SNED1: variants seen among roughly 807,000 people sequenced by gnomAD.
SNED1 encodes the protein sushi, nidogen and EGF like domains 1.
Under a neutral mutation model 166.7 loss-of-function variants are expected in SNED1, and 81 were observed. The ratio of observed to expected loss-of-function variants is 0.49; its 90% CI spans 0.41 to 0.58. The LOEUF is 0.58. SNED1 is among the 20% of genes least tolerant of loss of function. SNED1 has a pLI of 0.00. For missense variants in SNED1, 1,604 were observed against 2,000.2 expected, an observed-to-expected ratio of 0.80 and a Z score of 3.78; for synonymous variants, 762 against 822.0, an observed-to-expected ratio of 0.93 and a Z score of 1.25.
intron 15 of SNED1, among the ~76,000 whole-genome samples, chr2:241,052,686 TCGGCGGGGGGGGGGGGGGTCAAG>T (rs2061896716): frequency 1.0e-3 from 1 of 960 alleles, no homozygotes; most frequent in East Asian, 0.01. Context: ...GGTGAGAGGG[TCGGCGGGGGGGGGGGGGGTCAAG>T]CAGGGTACAT....
At position 241,064,531 on chromosome 2, in the gene SNED1, T is replaced by A. The variant is rs560854408; in HGVS notation, c.2600-313T>A. On this transcript the variant is annotated intron_variant, in intron 19 of 31. Transcript: ENST00000310397. This position sits in a 1 kb window ranked among gnomAD's most constrained non-coding sequence, Gnocchi z 7.0. ...CAGTGGGATACCTCCTGATGAGGCT[T>A]CCCTGACCACTGACCTCCCCTCCTC... is the stretch of plus-strand genomic sequence containing the variant. Among the ~76,000 whole-genome samples the A allele has an allele frequency of 4.6e-5, 7 of 152,296 alleles. No homozygotes were observed. Among genetic ancestry groups the A allele is most frequent in the African/African-American group, 1.7e-4 (7 of 41,570 alleles).
intron 15 of SNED1, among the ~76,000 whole-genome samples, chr2:241,052,775 ATGCTGGTGT>A (rs1559269963): frequency 0.015 from 1,673 of 112,270 alleles, 100 homozygotes; most frequent in East Asian, 0.09. Flanking sequence ...GGTACATGGG[ATGCTGGTGT>A]CAGGCAGGTA....
chr2:241,035,389 C>G (rs1181318173), intron 4 of SNED1: 1 of 152,290 alleles, frequency 6.6e-6, no homozygotes. Flanking sequence ...TTTGTGGGAA[C>G]AGCCAGGGCG....
chr2:241,029,956 A>G (rs926556035), intron 1 of SNED1, among the ~76,000 whole-genome samples: 2 of 152,248 alleles, frequency 1.3e-5, no homozygotes, highest in African/African-American at 4.8e-5. Context: ...GGCAGGCCCA[A>G]GTGCCCCACT....
chr2:240,998,095 T>C (rs941312849), upstream of SNED1, among the ~76,000 whole-genome samples: 5 of 152,264 alleles, frequency 3.3e-5, no homozygotes, highest in African/African-American at 1.2e-4. Flanking sequence ...GAATTTCTCC[T>C]GATGCGGCCA....
In SNED1 at chr2:241,007,680, G is replaced by A. The variant is rs141817019; in HGVS notation, c.213+8630G>A. Among the ~76,000 whole-genome samples the A allele has an allele frequency of 7.9e-3, 1,202 of 152,242 alleles. 16 individuals are homozygous for A. The highest frequency in any genetic ancestry group is 0.027 in the African/African-American group (1,138 of 41,534). ...GGTAGGGTTTTACAAAACAGACTTC[G>A]GGTTACCATCTCATATGGGTCTCTG... On this transcript the variant is annotated intron_variant, in intron 1 of 31. Coordinates refer to ENST00000310397, the MANE Select transcript of SNED1 (RefSeq NM_001080437.3).
chr2:241,055,977 A>G (rs1481783901), intron 16 of SNED1, among the ~76,000 whole-genome samples: 1 of 152,240 alleles, frequency 6.6e-6, no homozygotes, highest in Non-Finnish European at 1.5e-5. Flanking sequence ...AGAATACAGT[A>G]TGTTCATCCT....
In SNED1 at chr2:241,051,627, C is replaced by T. The variant is rs1224131169; in HGVS notation, c.1736-117C>T. On this transcript the variant is annotated intron_variant, in intron 12 of 31. Transcript: ENST00000310397. This position sits in a 1 kb window ranked among gnomAD's most constrained non-coding sequence, Gnocchi z 4.7. Reference sequence around the variant, plus strand: ...CCCCTGCTGCAGCCAGGCCCCAGGGCTTCGTCGAGAAGGCCCCACCAGCAC... The same window carrying T: ...CCCCTGCTGCAGCCAGGCCCCAGGGTTTCGTCGAGAAGGCCCCACCAGCAC... 2.5e-5 allele frequency: 20 copies of T among 811,356 alleles called. No homozygotes were observed. Among genetic ancestry groups the T allele is most frequent in the Non-Finnish European group, 2.4e-5 (13 of 544,352 alleles). The allele number at this position is 811,356 out of a possible 1,614,324, so 50.3% of individuals were successfully genotyped here. A position where few individuals can be genotyped will look rare whatever the true frequency, so the allele number is the denominator to read the frequency against.
At chr2:241,006,670 G>C (rs2060229650) in intron 1 of SNED1, among the ~76,000 whole-genome samples, 2 of 152,182 alleles carry the variant, frequency 1.3e-5, no homozygotes, top group Admixed American at 6.5e-5. Flanking sequence ...GTAGACATGG[G>C]TATATACATC....
intron 2 of SNED1, among the ~76,000 whole-genome samples, chr2:241,031,414 C>T (rs1348000384): frequency 6.6e-6 from 1 of 152,238 alleles, no homozygotes; most frequent in African/African-American, 2.4e-5. Flanking sequence ...ATCCGCCCAC[C>T]TCGGCCTCCT....
chr2:241,053,749 G>C (rs184086499), intron 16 of SNED1, among the ~76,000 whole-genome samples: 1 of 152,216 alleles, frequency 6.6e-6, no homozygotes, highest in South Asian at 2.1e-4. Flanking sequence ...CATTTGAGGA[G>C]TGCTGCTCCA....
At chr2:241,065,960 G>T (rs879874944) in intron 21 of SNED1, among the ~76,000 whole-genome samples, 1 of 152,132 alleles carries the variant, frequency 6.6e-6, no homozygotes, top group African/African-American at 2.4e-5. Flanking sequence ...GGCTTGGGGG[G>T]GCTGGGACTC....
In SNED1 at chr2:241,044,378, A is replaced by C. The variant is rs1374588059; in HGVS notation, c.1274-3937A>C. On this transcript the variant is annotated intron_variant, in intron 8 of 31. Transcript: ENST00000310397. ...GGGTTTCTGGTTCTGAAAAAGATAG[A>C]GTAAGCACAGTCTACCCCTGTCTCT... 5.3e-5 allele frequency among the ~76,000 whole-genome samples: 8 copies of C among 152,218 alleles called. No homozygotes were observed. The South Asian group carries it at 1.7e-3, about 32-fold the overall frequency.
Position 241,051,928 on chromosome 2 carries a change from C to A in SNED1, c.1852+68C>A. On this transcript the variant is annotated intron_variant, in intron 13 of 31. Transcript: ENST00000310397. This position sits in a 1 kb window ranked among gnomAD's most constrained non-coding sequence, Gnocchi z 4.7. ...CAGCCCTGAGCTGGGGCCCCTGATG[C>A]ACCCTCCCTGCCAGCTGTGGGTCTG... 3 of 1,470,140 alleles carry A rather than the reference C, an allele frequency of 2.0e-6. No individual in the cohort carries two copies. Among genetic ancestry groups the A allele is most frequent in the South Asian group, 1.3e-5 (1 of 79,900 alleles). The allele number at this position is 1,470,140 out of a possible 1,614,324, so 91.1% of individuals were successfully genotyped here.
chr2:241,085,197 T>A (rs569477454), intron 29 of SNED1, among the ~76,000 whole-genome samples: 7 of 152,318 alleles, frequency 4.6e-5, no homozygotes, highest in African/African-American at 1.7e-4. Context: ...TTCATATATT[T>A]TTCCTGTCCC....
At chr2:241,087,694 G>C in intron 30 of SNED1, 1 of 1,367,284 alleles carries the variant, frequency 7.3e-7, no homozygotes, top group Non-Finnish European at 9.4e-7. Context: ...GGCATGCTGG[G>C]TGCTGGGGGG....
rs1002979815 is a variant in SNED1 at position 240,999,665 on chromosome 2, A to G, written c.213+615A>G. 2.6e-5 allele frequency among the ~76,000 whole-genome samples: 4 copies of G among 152,074 alleles called. No homozygotes were observed. The highest frequency in any genetic ancestry group is 4.8e-5 in the African/African-American group (2 of 41,428). Reference sequence around the variant, plus strand: ...GGCCGCTCAGGCTCAGACTCTCCAAACAGGACTCCCAGTGGGACTCCTGGG... The same window carrying G: ...GGCCGCTCAGGCTCAGACTCTCCAAGCAGGACTCCCAGTGGGACTCCTGGG... On this transcript the variant is annotated intron_variant, in intron 1 of 31. Transcript: ENST00000310397. This position sits in a 1 kb window ranked among gnomAD's most constrained non-coding sequence, Gnocchi z 5.8.
chr2:241,091,403 G>A lies in SNED1; in HGVS notation c.*2-235G>A, dbSNP rs2063977536. On this transcript the variant is annotated intron_variant, in intron 31 of 31. Coordinates refer to ENST00000310397, the MANE Select transcript of SNED1 (RefSeq NM_001080437.3). The surrounding 1 kb of genome is among the most constrained non-coding windows in gnomAD (Gnocchi z 4.1). ...TCCTAAAGATGGGGATGTAGTCGGT[G>A]GAGGCTGCCCCTCCCCGTGTGCACT... is the stretch of plus-strand genomic sequence containing the variant. Among the ~76,000 whole-genome samples, 1 of 114,256 alleles carries A rather than the reference G, an allele frequency of 8.8e-6. No individual in the cohort carries two copies. Among genetic ancestry groups the A allele is most frequent in the South Asian group, 2.4e-4 (1 of 4,196 alleles). 75.0% of individuals were successfully genotyped at this position (114,256 alleles called of 152,430 possible). A position where few individuals can be genotyped will look rare whatever the true frequency, so the allele number is the denominator to read the frequency against.
At chr2:241,062,952 C>A in intron 17 of SNED1, 48 bp downstream of exon 17, 1 of 1,260,544 alleles carries the variant, frequency 7.9e-7, no homozygotes, top group Non-Finnish European at 1.1e-6. Flanking sequence ...AGCACACTGG[C>A]CATGTGCCTG....
Sources: gnomAD v4.1 joint callset for allele counts (sites outside exome capture counted in the v4.1 genomes callset) on GRCh38, gnomAD v4.1.1 for gene constraint, Gnocchi (gnomAD v3.1) non-coding constraint, MANE v1.5 for transcripts, NCBI Gene and HGNC (gene_info 2026-07-23, HGNC 2026-07-21) for gene names.